DUSP2: variants seen among roughly 807,000 people sequenced by gnomAD.
DUSP2 encodes dual specificity phosphatase 2.
Under a neutral mutation model 23.3 loss-of-function variants are expected in DUSP2, and 20 were observed. That is an observed-to-expected ratio of 0.86 (90% CI 0.60 to 1.25). The LOEUF (loss-of-function observed/expected upper bound fraction) is 1.25, where lower values mean the gene tolerates loss of function less well. Ranked by LOEUF, DUSP2 falls within the 50% of genes most tolerant of loss-of-function variation. DUSP2 has a pLI of 0.00. For missense variants in DUSP2, 435 were observed against 452.6 expected, an observed-to-expected ratio of 0.96 and a Z score of 0.35; for synonymous variants, 231 against 209.7, an observed-to-expected ratio of 1.10 and a Z score of -0.88.
intron 2 of DUSP2, 53 bp from the exon 3 acceptor site, chr2:96,144,426 G>A (rs1014217323): frequency 1.3e-6 from 2 of 1,577,080 alleles, no homozygotes; most frequent in African/African-American, 2.7e-5. Flanking sequence ...CCGGAGAGCT[G>A]GAGCAGCAGC....
rs985752628 is a variant in DUSP2, at chr2:96,145,021, C to A, written c.334G>T (p.Ala112Ser). 17 of 1,538,602 alleles carry A rather than the reference C, an allele frequency of 1.1e-5. No homozygotes were observed. The highest frequency in any genetic ancestry group is 1.3e-5 in the Non-Finnish European group (15 of 1,148,304). ...RPDSPAHVLLAALLHETRAGP... is the reference protein window; with the variant it reads ...RPDSPAHVLLSALLHETRAGP... The stretch of plus-strand genomic sequence containing the variant: ...GCGCGGGTCTCGTGCAGCAGCGCGG[C>A]CAGCAGCACATGAGCCGGGCTGTCG... Residue 112 changes from alanine (A) to serine (S), a missense_variant, in exon 1 of 4, where the codon GCC (alanine) becomes TCC (serine). By Grantham distance (99) the Ala-to-Ser change is moderately conservative (BLOSUM62 1). Coordinates refer to ENST00000288943, the MANE Select transcript of DUSP2 (RefSeq NM_004418.4).
chr2:96,144,293 A>G lies in DUSP2; in HGVS notation c.591T>C (p.Cys197=), dbSNP rs749292287. The change falls in exon 3 of 4, where the codon TGT becomes TGC. Residue 197 remains cysteine, a synonymous_variant. Coordinates refer to ENST00000288943, the MANE Select transcript of DUSP2 (RefSeq NM_004418.4). ...HSSDLQGLQA[C]GITAVLNVSA... ...ACACGTTGAGGACGGCTGTGATGCC[A>G]CAGGCCTGCAGCCCCTGCAGGTCTG... The G allele has an allele frequency of 8.1e-6, 13 of 1,613,840 alleles. No homozygotes were observed. The highest frequency in any genetic ancestry group is 1.6e-4 in the Middle Eastern group (1 of 6,062).
Position 96,144,267 on chromosome 2 carries a change from G to A in DUSP2, c.617C>T (p.Ser206Phe). Residue 206 changes from serine (S) to phenylalanine (F), a missense_variant, in exon 3 of 4, where the codon TCC (serine) becomes TTC (phenylalanine). Ser to Phe is a radical substitution (Grantham distance 155). Coordinates refer to ENST00000288943, the MANE Select transcript of DUSP2 (RefSeq NM_004418.4). ...CTCAAAGTGGTTGGGGCAGCTGGCG[G>A]ACACGTTGAGGACGGCTGTGATGCC... ...ACGITAVLNVSASCPNHFEGL... is the reference protein window; with the variant it reads ...ACGITAVLNVFASCPNHFEGL... The A allele has an allele frequency of 6.2e-7, 1 of 1,613,968 alleles. No individual in the cohort carries two copies. Among genetic ancestry groups the A allele is most frequent in the African/African-American group, 1.3e-5 (1 of 75,070 alleles).
At position 96,144,754 on chromosome 2, in the gene DUSP2, T is replaced by C. The variant is rs780282847; in HGVS notation, c.510+7A>G. On this transcript the variant is annotated splice_region_variant and intron_variant, in intron 2 of 3. Coordinates refer to ENST00000288943, the MANE Select transcript of DUSP2 (RefSeq NM_004418.4). ...GGGAGGTTCGGGGGAGGGGGGTCAA[T>C]ACTCACCTGGTCGTAGACAGGAGCC... 2 of 1,579,014 alleles carry C rather than the reference T, an allele frequency of 1.3e-6. No individual in the cohort carries two copies. The highest frequency in any genetic ancestry group is 1.2e-5 in the South Asian group (1 of 85,872).
rs1349015112 is a variant in DUSP2, at chr2:96,144,148, C to G, written c.730+6G>C. ...TCGGGATTTCTGGGCAGAGGTGCCC[C>G]CTTACCAATGAAGCCTATGGCCTCC... is the stretch of plus-strand genomic sequence containing the variant. On this transcript the variant is annotated splice_donor_region_variant and intron_variant, in intron 3 of 3. Coordinates refer to ENST00000288943, the MANE Select transcript of DUSP2 (RefSeq NM_004418.4). 6.2e-7 allele frequency: 1 copy of G among 1,613,892 alleles called. No homozygotes were observed.
chr2:96,143,718 A>G lies in DUSP2; in HGVS notation c.*105T>C, dbSNP rs1019319179. 2.2e-6 allele frequency: 3 copies of G among 1,358,754 alleles called. No individual in the cohort carries two copies. The highest frequency in any genetic ancestry group is 3.0e-6 in the Non-Finnish European group (3 of 995,224). 84.2% of individuals were successfully genotyped at this position (1,358,754 alleles called of 1,614,324 possible). ...GCTTCTGAAACTCTGAGGAGGTAGC[A>G]GCCCTGCCAGAGGTGAGGGGACTGT... On this transcript the variant is annotated 3_prime_UTR_variant, in exon 4 of 4. Transcript: ENST00000288943.
At position 96,144,055 on chromosome 2, in the gene DUSP2, G is replaced by T. The variant is rs1431441219; in HGVS notation, c.731-18C>A. ...CACCCAGTCTGCAAGGGAGATGGGG[G>T]AGTGGTGTCAGACGGAATGTGCACA... On this transcript the variant is annotated intron_variant, in intron 3 of 3. Transcript: ENST00000288943. 1 of 1,613,520 alleles carries T rather than the reference G, an allele frequency of 6.2e-7. No individual in the cohort carries two copies. The highest frequency in any genetic ancestry group is 8.5e-7 in the Non-Finnish European group (1 of 1,179,840).
Position 96,145,008 on chromosome 2 carries a change from T to C in DUSP2, c.347A>G (p.His116Arg), listed in dbSNP as rs1436060969. Reference sequence around the variant, plus strand: ...GGCAGTGGGCCCCGCGCGGGTCTCGTGCAGCAGCGCGGCCAGCAGCACATG... The same window carrying C: ...GGCAGTGGGCCCCGCGCGGGTCTCGCGCAGCAGCGCGGCCAGCAGCACATG... ...PAHVLLAALL[H>R]ETRAGPTAVY... Residue 116 changes from histidine to arginine, a missense_variant, in exon 1 of 4, where the codon CAC (histidine) becomes CGC (arginine). Transcript: ENST00000288943. 1.9e-6 allele frequency: 3 copies of C among 1,541,056 alleles called. No homozygotes were observed. Among genetic ancestry groups the C allele is most frequent in the Non-Finnish European group, 2.6e-6 (3 of 1,149,420 alleles).
At chr2:96,144,602 A>G in intron 2 of DUSP2, 159 bp downstream of exon 2, 1 of 770,662 alleles carries the variant, frequency 1.3e-6, no homozygotes, top group Admixed American at 2.9e-5. Context: ...GGCACGCGCG[A>G]GCAGCCATGC....
rs776067264 is a variant in DUSP2 at position 96,145,378 on chromosome 2, C to T, written c.-24G>A. ...ATGGCCACCGGTGCCTCTTCCTCTT[C>T]CTTTCGGTCTTTCCCGCGTCCCGGG... On this transcript the variant is annotated 5_prime_UTR_variant, in exon 1 of 4. Transcript: ENST00000288943. 39 of 1,375,028 alleles carry T rather than the reference C, an allele frequency of 2.8e-5. No homozygotes were observed. Among genetic ancestry groups the T allele is most frequent in the Non-Finnish European group, 3.7e-5 (39 of 1,065,134 alleles). 85.2% of individuals were successfully genotyped at this position (1,375,028 alleles called of 1,614,324 possible).
rs781733980 is a variant in DUSP2 at position 96,143,841 on chromosome 2, G to C, written c.927C>G (p.Thr309=). ...CACCACCTCAGTGACACAGCACCTG[G>C]GTCTCAAACTGCAGCAGCTGCCCCA... is the stretch of plus-strand genomic sequence containing the variant. ...SFMGQLLQFE[T]QVLCH Residue 309 remains threonine (T), a synonymous_variant, in exon 4 of 4, where the codon ACC becomes ACG. Transcript: ENST00000288943. 1 of 1,613,158 alleles carries C rather than the reference G, an allele frequency of 6.2e-7. No homozygotes were observed. Among genetic ancestry groups the C allele is most frequent in the Non-Finnish European group, 8.5e-7 (1 of 1,180,026 alleles).
In DUSP2 at chr2:96,145,411, G is replaced by T; in HGVS notation, c.-57C>A. ...TCTTTCCCGCGTCCCGGGCTCTCGT[G>T]GCGGTGGCGCTGCCCGAGCGGTCGA... On this transcript the variant is annotated 5_prime_UTR_variant, in exon 1 of 4. Transcript: ENST00000288943. 1 of 1,301,614 alleles carries T rather than the reference G, an allele frequency of 7.7e-7. No homozygotes were observed. Among genetic ancestry groups the T allele is most frequent in the East Asian group, 3.0e-5 (1 of 33,098 alleles). The allele number at this position is 1,301,614 out of a possible 1,614,324, so 80.6% of individuals were successfully genotyped here.
At chr2:96,144,596 C>A (rs749520403) in intron 2 of DUSP2, 165 bp downstream of exon 2, 3 of 753,608 alleles carry the variant, frequency 4.0e-6, no homozygotes, top group Middle Eastern at 3.6e-4. Flanking sequence ...CATACAGGCA[C>A]GCGCGAGCAG....
chr2:96,143,750 C>T lies in DUSP2; in HGVS notation c.*73G>A. The T allele has an allele frequency of 6.4e-7, 1 of 1,567,538 alleles. No individual in the cohort carries two copies. The highest frequency in any genetic ancestry group is 8.7e-7 in the Non-Finnish European group (1 of 1,151,140). ...CCAGAGGTGAGGGGACTGTGCTGGC[C>T]CAGAGGGGAGCCCACCAGTCCACAG... On this transcript the variant is annotated 3_prime_UTR_variant, in exon 4 of 4. Transcript: ENST00000288943.
Position 96,145,035 on chromosome 2 carries a change from G to C in DUSP2, c.320C>G (p.Ala107Gly), listed in dbSNP as rs559414512. The C allele has an allele frequency of 1.3e-6, 2 of 1,533,178 alleles. No homozygotes were observed. The highest frequency in any genetic ancestry group is 1.7e-4 in the Middle Eastern group (1 of 5,856). 95.0% of individuals were successfully genotyped at this position (1,533,178 alleles called of 1,614,324 possible). A position where few individuals can be genotyped will look rare whatever the true frequency, so the allele number is the denominator to read the frequency against. ...SVAELRPDSP[A>G]HVLLAALLHE... ...CAGCAGCGCGGCCAGCAGCACATGAGCCGGGCTGTCGGGCCGGAGCTCCGC... is the reference window on the plus strand; with the variant it reads ...CAGCAGCGCGGCCAGCAGCACATGACCCGGGCTGTCGGGCCGGAGCTCCGC... Residue 107 changes from alanine (A) to glycine (G), a missense_variant, in exon 1 of 4, where the codon GCT (alanine) becomes GGT (glycine). Physicochemically the swap from Ala to Gly is moderately conservative, Grantham distance 60. Coordinates refer to ENST00000288943, the MANE Select transcript of DUSP2 (RefSeq NM_004418.4).
Position 96,145,194 on chromosome 2 carries a change from A to G in DUSP2, c.161T>C (p.Leu54Pro). ...RAARPVPWNA[L>P]LRRRARGPPA... is the part of the protein sequence containing the mutation. Reference sequence around the variant, plus strand: ...AGGGCCGCGCGCGCGGCGCCGCAGCAGCGCGTTCCAAGGCACTGGCCGCGC... The same window carrying G: ...AGGGCCGCGCGCGCGGCGCCGCAGCGGCGCGTTCCAAGGCACTGGCCGCGC... The change falls in exon 1 of 4, where the codon CTG becomes CCG. Residue 54 changes from leucine (L) to proline (P), a missense_variant. Physicochemically the swap from Leu to Pro is moderately conservative, Grantham distance 98 (BLOSUM62 -3). Coordinates refer to ENST00000288943, the MANE Select transcript of DUSP2 (RefSeq NM_004418.4). 1 of 1,289,780 alleles carries G rather than the reference A, an allele frequency of 7.8e-7. No individual in the cohort carries two copies. Among genetic ancestry groups the G allele is most frequent in the Admixed American group, 4.0e-5 (1 of 24,760 alleles). The allele number at this position is 1,289,780 out of a possible 1,614,324, so 79.9% of individuals were successfully genotyped here. A position where few individuals can be genotyped will look rare whatever the true frequency, so the allele number is the denominator to read the frequency against.
Position 96,145,018 on chromosome 2 carries a change from C to T in DUSP2, c.337G>A (p.Ala113Thr). ...CCCGCGCGGGTCTCGTGCAGCAGCGCGGCCAGCAGCACATGAGCCGGGCTG... is the reference window on the plus strand; with the variant it reads ...CCCGCGCGGGTCTCGTGCAGCAGCGTGGCCAGCAGCACATGAGCCGGGCTG... ...PDSPAHVLLA[A>T]LLHETRAGPT... is the part of the protein sequence containing the mutation. The change falls in exon 1 of 4, where the codon GCG (alanine) becomes ACG (threonine). Residue 113 changes from alanine (A) to threonine (T), a missense_variant. Coordinates refer to ENST00000288943, the MANE Select transcript of DUSP2 (RefSeq NM_004418.4). 6.5e-7 allele frequency: 1 copy of T among 1,538,808 alleles called. No homozygotes were observed. The highest frequency in any genetic ancestry group is 2.4e-5 in the East Asian group (1 of 41,456).
At position 96,143,652 on chromosome 2, in the gene DUSP2, A is replaced by G; in HGVS notation, c.*171T>C. ...CCCCAGCAGAAGAGCACCAGGTCGG[A>G]AAGACCAGCATGCCGGCATTCCTAG... is the stretch of plus-strand genomic sequence containing the variant. On this transcript the variant is annotated 3_prime_UTR_variant, in exon 4 of 4. Coordinates refer to ENST00000288943, the MANE Select transcript of DUSP2 (RefSeq NM_004418.4). 1 of 790,444 alleles carries G rather than the reference A, an allele frequency of 1.3e-6. No individual in the cohort carries two copies. Among genetic ancestry groups the G allele is most frequent in the Non-Finnish European group, 2.0e-6 (1 of 502,882 alleles). 49.0% of individuals were successfully genotyped at this position (790,444 alleles called of 1,614,324 possible). A position where few individuals can be genotyped will look rare whatever the true frequency, so the allele number is the denominator to read the frequency against.
At position 96,143,779 on chromosome 2, in the gene DUSP2, G is replaced by A. The variant is rs2104787091; in HGVS notation, c.*44C>T. On this transcript the variant is annotated 3_prime_UTR_variant, in exon 4 of 4. Transcript: ENST00000288943. ...AGGGGAGCCCACCAGTCCACAGTCA[G>A]CTCCTGCCAGCACAGTGGGGCAGGC... is the stretch of plus-strand genomic sequence containing the variant. 1 of 1,601,612 alleles carries A rather than the reference G, an allele frequency of 6.2e-7. No homozygotes were observed. The highest frequency in any genetic ancestry group is 1.1e-5 in the South Asian group (1 of 90,146).
Sources: allele counts gnomAD v4.1 joint callset, GRCh38; gene constraint gnomAD v4.1.1; transcripts MANE v1.5; gene names NCBI Gene and HGNC (gene_info 2026-07-23, HGNC 2026-07-21).